Variants in SLC30A7 observed in about 807,000 individuals in gnomAD.
SLC30A7 encodes solute carrier family 30 member 7.
A neutral mutation model predicts 46.0 loss-of-function variants in SLC30A7; 35 were observed. The ratio of observed to expected loss-of-function variants is 0.76; its 90% CI spans 0.58 to 1.01. The LOEUF (loss-of-function observed/expected upper bound fraction) is 1.01, where lower values mean the gene tolerates loss of function less well. Ranked by LOEUF, SLC30A7 falls within the 50% of genes least tolerant of loss-of-function variation. The pLI is 0.00. For synonymous variants in SLC30A7, 147 were observed against 157.8 expected, an observed-to-expected ratio of 0.93 and a Z score of 0.51; for missense variants, 464 against 451.1, an observed-to-expected ratio of 1.03 and a Z score of -0.26.
At position 100,979,911 on chromosome 1, in the gene SLC30A7, A is replaced by G. The variant is rs1656823038; in HGVS notation, c.*5054A>G. 1 of 151,942 alleles carries G rather than the reference A, an allele frequency of 6.6e-6. No individual in the cohort carries two copies. Among genetic ancestry groups the G allele is most frequent in the Admixed American group, 6.6e-5 (1 of 15,262 alleles). The allele number at this position is 151,942 out of a possible 1,614,324, so 9.4% of individuals were successfully genotyped here. ...AAGAAGCTGTAGCAGATCTCAATAC[A>G]CTCTCCTATAAAATTAGTGAATAAT... On this transcript the variant is annotated 3_prime_UTR_variant, in exon 11 of 11. Coordinates refer to ENST00000357650, the MANE Select transcript of SLC30A7 (RefSeq NM_133496.5).
At chr1:100,959,460 C>G (rs755202172) in intron 8 of SLC30A7, among the ~76,000 whole-genome samples, 1 of 152,154 alleles carries the variant, frequency 6.6e-6, no homozygotes, top group Admixed American at 6.5e-5. Context: ...AGGTAGCAGC[C>G]GGGGCTGCAG....
At chr1:100,960,510 G>A (rs947803610) in intron 8 of SLC30A7, among the ~76,000 whole-genome samples, 1 of 152,006 alleles carries the variant, frequency 6.6e-6, no homozygotes, top group African/African-American at 2.4e-5. Context: ...GGTCTTTCTT[G>A]GTACCTCTCT....
intron 8 of SLC30A7, chr1:100,941,604 G>C: frequency 1.7e-6 from 1 of 587,340 alleles, no homozygotes; most frequent in South Asian, 1.4e-5. Flanking sequence ...CTTAGGTGAT[G>C]TTCTTCAGTA....
Position 100,970,699 on chromosome 1 carries a change from TG to T in SLC30A7, c.1084-4108del, listed in dbSNP as rs1656113782. Reference sequence around the variant, plus strand: ...TGTACAAACAGCAAAAAAAAAAAAATGGGATACTAGATTAGGAAGGCAATTA... The same window carrying T: ...TGTACAAACAGCAAAAAAAAAAAAATGGATACTAGATTAGGAAGGCAATTA... On this transcript the variant is annotated intron_variant, in intron 10 of 10. Transcript: ENST00000357650. 2.1e-5 allele frequency among the ~76,000 whole-genome samples: 3 copies of T among 145,454 alleles called. No homozygotes were observed. In the South Asian group the frequency reaches 6.5e-4, roughly 31 times the overall value.
At chr1:100,987,668 CT>C in the SLC30A7 span, among the ~76,000 whole-genome samples, 185 of 140,896 alleles carry the variant, frequency 1.3e-3, no homozygotes, top group Middle Eastern at 3.6e-3. Context: ...GTTGTCTGCT[CT>C]TTTTTTTTTT....
the SLC30A7 span, chr1:100,992,806 A>G: frequency 1.3e-3 from 1,470 of 1,102,486 alleles, 41 homozygotes; most frequent in South Asian, 0.019. Flanking sequence ...TATTAATGCA[A>G]TTAGCTCTCC....
intron 8 of SLC30A7, among the ~76,000 whole-genome samples, chr1:100,933,882 A>C (rs1055487447): frequency 1.3e-5 from 2 of 152,230 alleles, no homozygotes; most frequent in African/African-American, 2.4e-5. Flanking sequence ...TTTAAGGTTC[A>C]GTTCTAATAC....
intron 2 of SLC30A7, among the ~76,000 whole-genome samples, chr1:100,906,030 G>A (rs145585627): frequency 2.6e-5 from 4 of 152,260 alleles, no homozygotes; most frequent in East Asian, 3.9e-4. Flanking sequence ...CTGTTTGGCC[G>A]TTAGTATGGG....
At chr1:100,995,828 A>G in the SLC30A7 span, 3 of 152,370 alleles carry the variant, frequency 2.0e-5, no homozygotes, top group African/African-American at 7.2e-5. Flanking sequence ...GAATCACTCT[A>G]CATCCTCAAA....
At chr1:100,958,836 A>G (rs993813480) in intron 8 of SLC30A7, among the ~76,000 whole-genome samples, 2 of 152,348 alleles carry the variant, frequency 1.3e-5, no homozygotes, top group African/African-American at 4.8e-5. Context: ...AGGGAGGGGG[A>G]AACACAATCT....
chr1:100,941,551 G>T (rs1259175885), intron 8 of SLC30A7: 6 of 559,334 alleles, frequency 1.1e-5, no homozygotes, highest in African/African-American at 7.5e-5. Flanking sequence ...GGTCAGTCAT[G>T]ATTTCAATCA....
intron 6 of SLC30A7, 148 bp downstream of exon 6, chr1:100,913,954 A>AT: frequency 8.6e-7 from 1 of 1,159,292 alleles, no homozygotes; most frequent in South Asian, 1.8e-5. Context: ...GGGCTAGTTT[A>AT]TTTTTTGTAT....
chr1:100,959,913 C>A (rs946397192), intron 8 of SLC30A7, among the ~76,000 whole-genome samples: 1 of 151,848 alleles, frequency 6.6e-6, no homozygotes, highest in Non-Finnish European at 1.5e-5. Flanking sequence ...TAATAATCCA[C>A]GTAAAAGATA....
rs981469812 is a variant in SLC30A7 at position 100,978,104 on chromosome 1, T to G, written c.*3247T>G. ...ATTATATTCCTCAAGATGAAGGGCT[T>G]AACATATCCACAGCTTCCTCAGTTT... is the stretch of plus-strand genomic sequence containing the variant. On this transcript the variant is annotated 3_prime_UTR_variant, in exon 11 of 11. Coordinates refer to ENST00000357650, the MANE Select transcript of SLC30A7 (RefSeq NM_133496.5). 2 of 152,244 alleles carry G rather than the reference T, an allele frequency of 1.3e-5. No homozygotes were observed. The highest frequency in any genetic ancestry group is 2.9e-5 in the Non-Finnish European group (2 of 68,076). The allele number at this position is 152,244 out of a possible 1,614,324, so 9.4% of individuals were successfully genotyped here. A position where few individuals can be genotyped will look rare whatever the true frequency, so the allele number is the denominator to read the frequency against.
intron 8 of SLC30A7, among the ~76,000 whole-genome samples, chr1:100,945,372 C>A (rs1485339868): frequency 2.6e-5 from 4 of 152,214 alleles, no homozygotes; most frequent in African/African-American, 9.6e-5. Flanking sequence ...ATGCTTATGT[C>A]CTGAATGGTA....
chr1:100,916,859 G>T (rs1232751117), intron 6 of SLC30A7, among the ~76,000 whole-genome samples: 1 of 152,024 alleles, frequency 6.6e-6, no homozygotes, highest in African/African-American at 2.4e-5. Context: ...GTGAGAACAT[G>T]CAATGTTTGT....
At chr1:100,993,894 C>T in the SLC30A7 span, among the ~76,000 whole-genome samples, 1 of 151,706 alleles carries the variant, frequency 6.6e-6, no homozygotes. Context: ...GTGCCTGCCA[C>T]CATGCCTGGC....
intron 8 of SLC30A7, among the ~76,000 whole-genome samples, chr1:100,923,828 C>T (rs1168907328): frequency 6.6e-6 from 1 of 152,120 alleles, no homozygotes; most frequent in Non-Finnish European, 1.5e-5. Flanking sequence ...AATGCCTTTT[C>T]TTCTTCTTTG....
intron 10 of SLC30A7, chr1:100,972,411 A>G (rs1017595075): frequency 2.3e-5 from 4 of 177,310 alleles, no homozygotes; most frequent in Non-Finnish European, 5.2e-5. Context: ...GTAAGCCCTC[A>G]GGGGAAGGAT....
Sources: allele counts gnomAD v4.1 joint callset (sites outside exome capture counted in the v4.1 genomes callset), GRCh38; gene constraint gnomAD v4.1.1; transcripts MANE v1.5; gene names NCBI Gene and HGNC (gene_info 2026-07-23, HGNC 2026-07-21).